USP48: variants seen among roughly 807,000 people sequenced by gnomAD.
The protein encoded by USP48 is ubiquitin specific peptidase 48, also known as ubiquitin carboxyl-terminal hydrolase 48.
In USP48, 43 loss-of-function variants were observed where a neutral mutation model predicts 150.7. The ratio of observed to expected loss-of-function variants is 0.29; its 90% CI spans 0.22 to 0.37. USP48 has a LOEUF of 0.37. USP48 is among the 10% of genes least tolerant of loss of function. The pLI is 1.00. For missense variants in USP48, 813 were observed against 1,249.6 expected, an observed-to-expected ratio of 0.65 and a Z score of 5.27; for synonymous variants, 396 against 425.9, an observed-to-expected ratio of 0.93 and a Z score of 0.86.
chr1:21,686,914 G>T, intron 25 of USP48: 1 of 454,986 alleles, frequency 2.2e-6, no homozygotes, highest in Non-Finnish European at 3.9e-6. Flanking sequence ...TGCCTGTCTG[G>T]GGCACTGCAA....
intron 1 of USP48, among the ~76,000 whole-genome samples, chr1:21,777,287 C>G (rs545618543): frequency 3.9e-5 from 6 of 152,046 alleles, no homozygotes; most frequent in Non-Finnish European, 8.8e-5. Context: ...CAGACCTTGT[C>G]TCATAAAATT....
intron 6 of USP48, among the ~76,000 whole-genome samples, chr1:21,748,724 G>A (rs2097801579): frequency 1.3e-5 from 2 of 152,172 alleles, no homozygotes; most frequent in Non-Finnish European, 2.9e-5. Flanking sequence ...CGGCCTGGCT[G>A]CCCAGGTGAA....
chr1:21,761,963 G>A (rs904658013), intron 1 of USP48, among the ~76,000 whole-genome samples: 3 of 151,850 alleles, frequency 2.0e-5, no homozygotes, highest in Non-Finnish European at 2.9e-5. Flanking sequence ...TCTACTATAA[G>A]AGAGTTAAAG....
intron 13 of USP48, 36 bp from the exon 14 acceptor site, chr1:21,721,202 A>G (rs761948179): frequency 1.9e-6 from 3 of 1,609,810 alleles, no homozygotes; most frequent in Middle Eastern, 1.6e-4. Flanking sequence ...CATATAAGTA[A>G]TATTTCCAAA....
chr1:21,682,117 A>C (rs187039625), intron 25 of USP48, among the ~76,000 whole-genome samples: 4 of 152,342 alleles, frequency 2.6e-5, no homozygotes, highest in Non-Finnish European at 4.4e-5. Context: ...ACATCCTCAC[A>C]CAGTATCATG....
At chr1:21,781,280 T>TA (rs1270142428) in intron 1 of USP48, among the ~76,000 whole-genome samples, 5 of 148,054 alleles carry the variant, frequency 3.4e-5, no homozygotes, top group South Asian at 2.1e-4. Context: ...ATAAAAATAA[T>TA]AAAAAAAAAT....
rs749971087 is a variant in USP48 at position 21,751,626 on chromosome 1, A to C, written c.666-11T>G. 1.6e-5 allele frequency: 25 copies of C among 1,601,036 alleles called. No individual in the cohort carries two copies. Among genetic ancestry groups the C allele is most frequent in the Non-Finnish European group, 2.1e-5 (24 of 1,168,516 alleles). The stretch of plus-strand genomic sequence containing the variant: ...CCACACTGGTTGCAACTATAATAAA[A>C]CAGAACGACAAAATTCAGATCAGAG... On this transcript the variant is annotated splice_polypyrimidine_tract_variant and intron_variant, in intron 5 of 26. Transcript: ENST00000308271.
At chr1:21,738,387 C>G in intron 8 of USP48, among the ~76,000 whole-genome samples, 1 of 131,054 alleles carries the variant, frequency 7.6e-6, no homozygotes, top group East Asian at 2.4e-4. Context: ...TGGAGTTTCA[C>G]TCTTGTTGCC....
At chr1:21,764,349 G>A (rs2097856703) in intron 1 of USP48, among the ~76,000 whole-genome samples, 2 of 151,670 alleles carry the variant, frequency 1.3e-5, no homozygotes, top group African/African-American at 4.8e-5. Context: ...TGAGACAAGA[G>A]AATTGCTTGA....
chr1:21,734,440 A>C (rs1176255826), intron 9 of USP48, among the ~76,000 whole-genome samples: 1 of 152,188 alleles, frequency 6.6e-6, no homozygotes, highest in Non-Finnish European at 1.5e-5. Flanking sequence ...AAAATTTAAA[A>C]GTGAAAGAAT....
At chr1:21,742,749 C>T (rs1319458785) in intron 8 of USP48, among the ~76,000 whole-genome samples, 1 of 152,134 alleles carries the variant, frequency 6.6e-6, no homozygotes, top group Non-Finnish European at 1.5e-5. Context: ...TCATACCTAA[C>T]CAGCAGAGGC....
chr1:21,690,186 A>T lies in USP48; in HGVS notation c.2884-87T>A, dbSNP rs578043759. ...TTAAATAAATTATGCATGGATTCTT[A>T]AAAAAAAAAAAAAGGCTTCAGAGTA... On this transcript the variant is annotated intron_variant, in intron 23 of 26. Coordinates refer to ENST00000308271, the MANE Select transcript of USP48 (RefSeq NM_032236.8). 4.7e-4 allele frequency: 249 copies of T among 527,656 alleles called. No homozygotes were observed. In the East Asian group the frequency reaches 0.018, roughly 37 times the overall value. 32.7% of individuals were successfully genotyped at this position (527,656 alleles called of 1,614,324 possible). A position where few individuals can be genotyped will look rare whatever the true frequency, so the allele number is the denominator to read the frequency against.
At position 21,694,588 on chromosome 1, in the gene USP48, AAAAAAAAAAAAAAAAAAAAC is replaced by A. The variant is rs1249963146; in HGVS notation, c.2883+458_2883+477del. 1.5e-4 allele frequency among the ~76,000 whole-genome samples: 19 copies of A among 130,928 alleles called. 2 individuals are homozygous for A. Among genetic ancestry groups the A allele is most frequent in the South Asian group, 1.5e-3 (6 of 4,136 alleles). 85.9% of individuals were successfully genotyped at this position (130,928 alleles called of 152,430 possible). A position where few individuals can be genotyped will look rare whatever the true frequency, so the allele number is the denominator to read the frequency against. On this transcript the variant is annotated intron_variant, in intron 23 of 26. Transcript: ENST00000308271. Reference sequence around the variant, plus strand: ...CTGTCTCACCAAAAAAAAAAAAAAAAAAAAAAAAAAAAAAAAAAACCCCCTCTATCTATCAAATAGATTTA... The same window carrying A: ...CTGTCTCACCAAAAAAAAAAAAAAAACCCCTCTATCTATCAAATAGATTTA...
intron 12 of USP48, 41 bp downstream of exon 12, chr1:21,723,857 T>C (rs1427108215): frequency 1.9e-6 from 3 of 1,556,212 alleles, no homozygotes; most frequent in South Asian, 2.3e-5. Flanking sequence ...GAAGATTTAA[T>C]GAGCTGCTCT....
chr1:21,748,709 G>C (rs553557274), intron 6 of USP48, among the ~76,000 whole-genome samples: 2 of 152,230 alleles, frequency 1.3e-5, no homozygotes, highest in Admixed American at 1.3e-4. Flanking sequence ...CCAGGAATTC[G>C]AGACCGGCCT....
chr1:21,712,770 A>T (rs1178881539), intron 15 of USP48, among the ~76,000 whole-genome samples: 1 of 151,630 alleles, frequency 6.6e-6, no homozygotes, highest in Non-Finnish European at 1.5e-5. Flanking sequence ...GTGGGATTAC[A>T]GGCGTCCACC....
intron 1 of USP48, among the ~76,000 whole-genome samples, chr1:21,763,819 A>G (rs181910666): frequency 1.1e-3 from 173 of 151,024 alleles, no homozygotes; most frequent in South Asian, 5.0e-3. Context: ...CTGTTTCAAG[A>G]AAAGGAAGGG....
rs2097634513 is a variant in USP48, at chr1:21,696,900, G to A, written c.2728-1679C>T. On this transcript the variant is annotated intron_variant, in intron 22 of 26. Transcript: ENST00000308271. The stretch of plus-strand genomic sequence containing the variant: ...GGTGGTGGTGGCCGGTGGGGGCGGT[G>A]GGGGATGGGGGGTGAGTGAGAGGCG... Among the ~76,000 whole-genome samples, 4 of 135,514 alleles carry A rather than the reference G, an allele frequency of 3.0e-5. 1 individual carries two copies. The South Asian group carries it at 1.1e-3, about 37-fold the overall frequency. 88.9% of individuals were successfully genotyped at this position (135,514 alleles called of 152,430 possible).
Position 21,776,768 on chromosome 1 carries a change from A to G in USP48, c.134+6056T>C, listed in dbSNP as rs542749073. Among the ~76,000 whole-genome samples, 32 of 152,238 alleles carry G rather than the reference A, an allele frequency of 2.1e-4. No homozygotes were observed. The East Asian group carries it at 5.6e-3, about 27-fold the overall frequency. ...CAGGAGTTCGAGACCAGCCTGGCCA[A>G]TATGGCAAAACCCCATCTCTACTAA... On this transcript the variant is annotated intron_variant, in intron 1 of 26. Transcript: ENST00000308271.
Sources: gnomAD v4.1 joint callset for allele counts (sites outside exome capture counted in the v4.1 genomes callset) on GRCh38, gnomAD v4.1.1 for gene constraint, MANE v1.5 for transcripts, NCBI Gene and HGNC (gene_info 2026-07-23, HGNC 2026-07-21) for gene names.